Variants in RELN observed in about 807,000 individuals in gnomAD.
The protein encoded by RELN is reelin.
A neutral mutation model predicts 427.6 loss-of-function variants in RELN; 108 were observed. The observed-to-expected ratio is 0.25, with a 90% CI of 0.22 to 0.30. The LOEUF (loss-of-function observed/expected upper bound fraction) is 0.30, where lower values mean the gene tolerates loss of function less well. Among genes scored for constraint, RELN ranks in the 10% least tolerant of loss-of-function variants. The pLI is 1.00. For missense variants in RELN, 3,715 were observed against 4,302.8 expected (o/e 0.86, Z 3.82); for synonymous variants, 1,524 against 1,513.4 (o/e 1.01, Z -0.16).
At chr7:103,694,021 A>G (rs1833926440) in intron 10 of RELN, among the ~76,000 whole-genome samples, 1 of 152,164 alleles carries the variant, frequency 6.6e-6, no homozygotes, top group African/African-American at 2.4e-5. Flanking sequence ...ACGATGTGGA[A>G]GAAAGGGAAG....
At chr7:103,910,276 T>G in intron 2 of RELN, among the ~76,000 whole-genome samples, 1 of 144,198 alleles carries the variant, frequency 6.9e-6, no homozygotes, top group African/African-American at 2.6e-5. Flanking sequence ...TCCTGAGACT[T>G]TGCTGAAGTT....
At chr7:103,787,092 A>G (rs1259679741) in intron 3 of RELN, among the ~76,000 whole-genome samples, 2 of 152,198 alleles carry the variant, frequency 1.3e-5, no homozygotes, top group African/African-American at 4.8e-5. Context: ...CTGCTCCTGA[A>G]TGACTACTGG....
At chr7:103,684,643 T>C (rs1833725685) in intron 10 of RELN, among the ~76,000 whole-genome samples, 2 of 152,110 alleles carry the variant, frequency 1.3e-5, no homozygotes, top group African/African-American at 4.8e-5. Flanking sequence ...ATTTAATGGC[T>C]CCATGTTTTT....
At chr7:103,841,068 T>C (rs746611843) in intron 2 of RELN, among the ~76,000 whole-genome samples, 47 of 152,302 alleles carry the variant, frequency 3.1e-4, no homozygotes, top group Middle Eastern at 6.8e-3. Flanking sequence ...TTCAAGAGAA[T>C]TGAGAGAAAA....
intron 12 of RELN, among the ~76,000 whole-genome samples, chr7:103,654,525 A>G (rs1832986178): frequency 6.6e-6 from 1 of 152,076 alleles, no homozygotes; most frequent in South Asian, 2.1e-4. Context: ...TCTGCTTTTT[A>G]ATAAACTGTT....
intron 21 of RELN, 52 bp downstream of exon 21, chr7:103,611,559 A>C: frequency 7.6e-7 from 1 of 1,322,692 alleles, no homozygotes; most frequent in Non-Finnish European, 1.1e-6. Flanking sequence ...TTGGCTTCCT[A>C]GGTAAAAGGC....
intron 11 of RELN, among the ~76,000 whole-genome samples, chr7:103,676,341 T>C (rs1304133101): frequency 1.3e-5 from 2 of 152,164 alleles, no homozygotes; most frequent in Non-Finnish European, 1.5e-5. Context: ...CACAGTGAGA[T>C]ACCATCTCAC....
chr7:103,886,222 G>A (rs547141727), intron 2 of RELN, among the ~76,000 whole-genome samples: 1 of 152,222 alleles, frequency 6.6e-6, no homozygotes, highest in South Asian at 2.1e-4. Flanking sequence ...CCTACATTGG[G>A]ACCCCATCTC....
intron 45 of RELN, among the ~76,000 whole-genome samples, chr7:103,536,174 T>C (rs1393607769): frequency 6.6e-6 from 1 of 152,116 alleles, no homozygotes; most frequent in Non-Finnish European, 1.5e-5. Flanking sequence ...ATATATAAAA[T>C]ATGGAAATCC....
intron 1 of RELN, among the ~76,000 whole-genome samples, chr7:103,969,569 C>T (rs531094768): frequency 7.9e-5 from 12 of 152,050 alleles, no homozygotes; most frequent in Admixed American, 2.0e-4. Context: ...GAAAACTGGC[C>T]GAAAATCTAG....
At chr7:103,610,486 A>G (rs1831924966) in intron 22 of RELN, among the ~76,000 whole-genome samples, 1 of 152,192 alleles carries the variant, frequency 6.6e-6, no homozygotes. Context: ...CCACATTTTC[A>G]TATTTGTTAT....
At chr7:103,604,154 A>C (rs1002671510) in intron 23 of RELN, among the ~76,000 whole-genome samples, 192 bp downstream of exon 23, 1 of 152,190 alleles carries the variant, frequency 6.6e-6, no homozygotes, top group Admixed American at 6.5e-5. Context: ...TTTAGAATAT[A>C]TGGTTTCATA....
chr7:103,917,103 G>A lies in RELN; in HGVS notation c.309C>T (p.Ser103=), dbSNP rs1432796227. 1 of 1,613,450 alleles carries A rather than the reference G, an allele frequency of 6.2e-7. No individual in the cohort carries two copies. Among genetic ancestry groups the A allele is most frequent in the Non-Finnish European group, 8.5e-7 (1 of 1,179,702 alleles). The part of the protein sequence containing the change: ...YTSTSVQASQ[S]IGGSSAFGFG... The stretch of plus-strand genomic sequence containing the variant: ...ATCCGAAAGCACTGGAACCTCCAAT[G>A]CTCTGTGATGCCTGAACACTTGTAG... The change falls in exon 2 of 65, where the codon AGC becomes AGT. Residue 103 remains serine, a synonymous_variant. Coordinates refer to ENST00000428762, the MANE Select transcript of RELN (RefSeq NM_005045.4).
intron 3 of RELN, among the ~76,000 whole-genome samples, chr7:103,784,849 T>G (rs1276720624): frequency 6.6e-6 from 1 of 152,168 alleles, no homozygotes; most frequent in Non-Finnish European, 1.5e-5. Flanking sequence ...TCCTTTTTAA[T>G]ATTTTACCTG....
In RELN at chr7:103,954,285, C is replaced by T. The variant is rs117042937; in HGVS notation, c.226+34846G>A. ...AAAACAAACAAACAAACAAACTTACCAGCCTCGTGTAATTCATATCCTGCT... is the reference window on the plus strand; with the variant it reads ...AAAACAAACAAACAAACAAACTTACTAGCCTCGTGTAATTCATATCCTGCT... On this transcript the variant is annotated intron_variant, in intron 1 of 64. Coordinates refer to ENST00000428762, the MANE Select transcript of RELN (RefSeq NM_005045.4). Among the ~76,000 whole-genome samples, 387 of 152,070 alleles carry T rather than the reference C, an allele frequency of 2.5e-3. 11 individuals carry two copies. In the East Asian group the frequency reaches 0.067, roughly 26 times the overall value.
chr7:103,730,706 G>A (rs1790332441), intron 6 of RELN, among the ~76,000 whole-genome samples: 1 of 152,052 alleles, frequency 6.6e-6, no homozygotes, highest in African/African-American at 2.4e-5. Flanking sequence ...CAGAAACAAT[G>A]GCTTCACCAA....
intron 2 of RELN, among the ~76,000 whole-genome samples, chr7:103,836,565 C>T (rs1408499764): frequency 6.6e-6 from 1 of 152,098 alleles, no homozygotes; most frequent in Non-Finnish European, 1.5e-5. Context: ...GCACTTCTTG[C>T]CCCCATGTCT....
chr7:103,681,993 C>T (rs141678600), intron 11 of RELN, 123 bp downstream of exon 11: 89 of 976,240 alleles, frequency 9.1e-5, no homozygotes, highest in East Asian at 1.5e-4. Context: ...GGCTTGTCTA[C>T]GATAAGAATC....
chr7:103,934,091 C>T (rs1795925713), intron 1 of RELN, among the ~76,000 whole-genome samples: 1 of 147,952 alleles, frequency 6.8e-6, no homozygotes, highest in Admixed American at 6.8e-5. Context: ...GAATTTGTCC[C>T]AAATCTTTTT....
Sources: allele counts gnomAD v4.1 joint callset (sites outside exome capture counted in the v4.1 genomes callset), GRCh38; gene constraint gnomAD v4.1.1; transcripts MANE v1.5; gene names NCBI Gene and HGNC (gene_info 2026-07-23, HGNC 2026-07-21).